Variants in FGG observed in about 807,000 individuals in gnomAD.
FGG encodes fibrinogen, gamma polypeptide.
A neutral mutation model predicts 51.7 loss-of-function variants in FGG; 20 were observed. That is an observed-to-expected ratio of 0.39 (90% CI 0.27 to 0.56). The LOEUF is 0.56. FGG is among the 20% of genes least tolerant of loss of function. The pLI, the probability that FGG is intolerant of heterozygous loss-of-function variation, is 0.64. For missense variants in FGG, 460 were observed against 534.2 expected, an observed-to-expected ratio of 0.86 and a Z score of 1.37; for synonymous variants, 184 against 184.7, an observed-to-expected ratio of 1.00 and a Z score of 0.03.
chr4:154,608,149 T>A (rs553057018), intron 7 of FGG, among the ~76,000 whole-genome samples: 1 of 152,314 alleles, frequency 6.6e-6, no homozygotes, highest in Admixed American at 6.5e-5. Context: ...AATACCTGCT[T>A]CATGAAATAG....
At chr4:154,609,114 T>A (rs1731154446) in intron 6 of FGG, among the ~76,000 whole-genome samples, 1 of 151,054 alleles carries the variant, frequency 6.6e-6, no homozygotes, top group East Asian at 2.0e-4. Context: ...AGATTCCTAG[T>A]GGGTATCAGC....
At chr4:154,606,596 C>G in intron 8 of FGG, 109 bp downstream of exon 8, 1 of 1,228,744 alleles carries the variant, frequency 8.1e-7, no homozygotes, top group Non-Finnish European at 1.1e-6. Flanking sequence ...ATGATAAAAT[C>G]CCTACTATCT....
intron 6 of FGG, 137 bp downstream of exon 6, chr4:154,609,493 T>A (rs747319164): frequency 4.8e-6 from 5 of 1,038,492 alleles, no homozygotes; most frequent in Non-Finnish European, 2.9e-6. Flanking sequence ...TAAATAGGAG[T>A]AACAGAAGTA....
At chr4:154,609,521 T>C (rs892361898) in intron 6 of FGG, 109 bp downstream of exon 6, 15 of 1,301,002 alleles carry the variant, frequency 1.2e-5, no homozygotes, top group African/African-American at 4.4e-5. Context: ...CTTAGGGCTA[T>C]TGCAAGGATT....
At position 154,604,777 on chromosome 4, in the gene FGG, A is replaced by T; in HGVS notation, c.*57T>A. 1 of 1,610,022 alleles carries T rather than the reference A, an allele frequency of 6.2e-7. No homozygotes were observed. The highest frequency in any genetic ancestry group is 1.1e-5 in the South Asian group (1 of 90,840). ...AAATATAGTAAGAGAAAAAAGGAAG[A>T]AACTTTCAGAGAATTTCTGAAACTT... is the stretch of plus-strand genomic sequence containing the variant. On this transcript the variant is annotated 3_prime_UTR_variant, in exon 9 of 9. Coordinates refer to ENST00000336098, the MANE Select transcript of FGG (RefSeq NM_021870.3).
rs1225258193 is a variant in FGG at position 154,612,633 on chromosome 4, G to A, written c.-24C>T. On this transcript the variant is annotated 5_prime_UTR_variant, in exon 1 of 9. Coordinates refer to ENST00000336098, the MANE Select transcript of FGG (RefSeq NM_021870.3). ...ATGATGTCTGAGTGCCCGGAGCTCC[G>A]AGCCTTGTAGTGTCAGCACTGTCAC... 16 of 1,609,352 alleles carry A rather than the reference G, an allele frequency of 9.9e-6. No homozygotes were observed. Among genetic ancestry groups the A allele is most frequent in the South Asian group, 5.5e-5 (5 of 90,986 alleles).
intron 2 of FGG, 82 bp from the exon 3 acceptor site, chr4:154,612,283 T>C (rs896467738): frequency 1.3e-6 from 2 of 1,583,428 alleles, no homozygotes; most frequent in Admixed American, 1.7e-5. Context: ...ACCTAGACTA[T>C]GTTTTTAAAA....
At position 154,606,929 on chromosome 4, in the gene FGG, A is replaced by T; in HGVS notation, c.905T>A (p.Leu302Gln). 6.2e-7 allele frequency: 1 copy of T among 1,613,652 alleles called. No individual in the cohort carries two copies. Among genetic ancestry groups the T allele is most frequent in the Non-Finnish European group, 8.5e-7 (1 of 1,179,692 alleles). Residue 302 changes from leucine (L) to glutamine (Q), a missense_variant, in exon 8 of 9, where the codon CTA becomes CAA. Around this residue, in one of 3 missense-constraint regions of FGG, gnomAD observed 353 missense variants for 391.7 expected, o/e 0.90. Coordinates refer to ENST00000336098, the MANE Select transcript of FGG (RefSeq NM_021870.3). The part of the protein sequence containing the change: ...KVGPEADKYR[L>Q]TYAYFAGGDA... ...CCCACCAGCGAAGTAGGCATATGTTAGGCGGTACTTGTCAGCTTCAGGTCC... is the reference window on the plus strand; with the variant it reads ...CCCACCAGCGAAGTAGGCATATGTTTGGCGGTACTTGTCAGCTTCAGGTCC...
intron 8 of FGG, 94 bp from the exon 9 acceptor site, chr4:154,605,160 G>C: frequency 7.7e-7 from 1 of 1,301,874 alleles, no homozygotes; most frequent in Non-Finnish European, 1.1e-6. Flanking sequence ...TGCATTGCCA[G>C]TTACATAAAA....
chr4:154,608,707 A>T (rs1731147568), intron 6 of FGG, 57 bp from the exon 7 acceptor site: 34 of 1,484,968 alleles, frequency 2.3e-5, no homozygotes, highest in Non-Finnish European at 3.2e-5. Flanking sequence ...GCATGTAAAG[A>T]GAATGCTGTC....
At chr4:154,609,884 T>A in intron 5 of FGG, 121 bp from the exon 6 acceptor site, 1 of 1,547,274 alleles carries the variant, frequency 6.5e-7, no homozygotes, top group Non-Finnish European at 8.9e-7. Flanking sequence ...TTTCTTACTT[T>A]TCACATCAGC....
At position 154,611,805 on chromosome 4, in the gene FGG, C is replaced by A; in HGVS notation, c.401G>T (p.Arg134Leu). Reference protein sequence around the residue: ...ASILTHDSSIRYLQEIYNSNN... With the variant: ...ASILTHDSSILYLQEIYNSNN... ...AGCAAATTAAAACAAAAATCCTTAC[C>A]GAATACTTGAGTCATGTGTTAAAAT... The change falls in exon 4 of 9, where the codon CGA (arginine) becomes CTA (leucine). Residue 134 changes from arginine (R) to leucine (L), a missense_variant and splice_region_variant. Physicochemically the swap from Arg to Leu is moderately radical, Grantham distance 102 (BLOSUM62 -2). Around this residue, in one of 3 missense-constraint regions of FGG, gnomAD observed 353 missense variants for 391.7 expected, o/e 0.90. Coordinates refer to ENST00000336098, the MANE Select transcript of FGG (RefSeq NM_021870.3). 2.5e-6 allele frequency: 4 copies of A among 1,600,874 alleles called. No homozygotes were observed. Among genetic ancestry groups the A allele is most frequent in the Non-Finnish European group, 3.4e-6 (4 of 1,170,800 alleles).
intron 6 of FGG, among the ~76,000 whole-genome samples, chr4:154,609,231 C>G (rs1731156737): frequency 6.6e-6 from 1 of 152,040 alleles, no homozygotes; most frequent in African/African-American, 2.4e-5. Flanking sequence ...TGGTGTTGGG[C>G]TTCCTCATCT....
At chr4:154,606,586 A>T in intron 8 of FGG, 119 bp downstream of exon 8, 1 of 1,168,590 alleles carries the variant, frequency 8.6e-7, no homozygotes, top group Non-Finnish European at 1.2e-6. Flanking sequence ...AATAAAGAAC[A>T]TGATAAAATC....
At chr4:154,608,866 G>C (rs956565947) in intron 6 of FGG, among the ~76,000 whole-genome samples, 9 of 152,108 alleles carry the variant, frequency 5.9e-5, no homozygotes, top group Non-Finnish European at 1.3e-4. Flanking sequence ...GAGAATATAA[G>C]AGAAATACTT....
intron 7 of FGG, 75 bp from the exon 8 acceptor site, chr4:154,607,057 G>C (rs1364902224): frequency 1.8e-5 from 26 of 1,483,984 alleles, no homozygotes; most frequent in Non-Finnish European, 2.2e-5. Flanking sequence ...TTCGTAGGAT[G>C]CTTCCTTGGA....
At chr4:154,612,256 T>C in intron 2 of FGG, 55 bp from the exon 3 acceptor site, 1 of 1,593,224 alleles carries the variant, frequency 6.3e-7, no homozygotes, top group Non-Finnish European at 8.6e-7. Flanking sequence ...TAAAATCTAT[T>C]AAGAAAAATA....
rs2066861 is a variant in FGG, at chr4:154,606,284, C to T, written c.1129+421G>A. Among the ~76,000 whole-genome samples the T allele has an allele frequency of 0.26, 39,941 of 152,050 alleles. 5,495 individuals carry two copies. The highest frequency in any genetic ancestry group is 0.44 in the East Asian group (2,276 of 5,138). On this transcript the variant is annotated intron_variant, in intron 8 of 8. Transcript: ENST00000336098. ...CTGCCCTTACCAGTGCTTGCCTTCT[C>T]TTTATTCTGTTCCTCCAAACACCTG...
chr4:154,608,020 CA>C (rs1399623996), intron 7 of FGG, among the ~76,000 whole-genome samples: 1 of 152,092 alleles, frequency 6.6e-6, no homozygotes, highest in African/African-American at 2.4e-5. Context: ...GCTTTTCAAC[CA>C]GGATAGTTGT....
Sources: allele counts gnomAD v4.1 joint callset (sites outside exome capture counted in the v4.1 genomes callset), GRCh38; gene constraint gnomAD v4.1.1; regional missense constraint gnomAD v4.1.1; transcripts MANE v1.5; gene names NCBI Gene and HGNC (gene_info 2026-07-23, HGNC 2026-07-21).